Variants in DERL1 observed in about 807,000 individuals in gnomAD.
The protein encoded by DERL1 is derlin-1.
Under a neutral mutation model 41.6 loss-of-function variants are expected in DERL1, and 24 were observed. The ratio of observed to expected loss-of-function variants is 0.58; its 90% confidence interval spans 0.42 to 0.81. The LOEUF is 0.81. Among genes scored for constraint, DERL1 ranks in the 30% least tolerant of loss-of-function variants. The pLI is 0.00. For synonymous variants in DERL1, 124 were observed against 112.5 expected (o/e 1.10, Z -0.65); for missense variants, 260 against 314.3 (o/e 0.83, Z 1.31).
At chr8:123,025,084 A>T (rs756145403) in intron 2 of DERL1, 34 bp from the exon 3 acceptor site, 1 of 1,605,608 alleles carries the variant, frequency 6.2e-7, no homozygotes, top group Non-Finnish European at 8.5e-7. Context: ...GTCATGGTTC[A>T]GAATTTCACA....
intron 1 of DERL1, among the ~76,000 whole-genome samples, chr8:123,039,094 C>A (rs911015673): frequency 6.6e-6 from 1 of 152,172 alleles, no homozygotes; most frequent in African/African-American, 2.4e-5. Flanking sequence ...CTCTTTATAT[C>A]CATTCGGCTG....
chr8:123,020,700 A>G (rs1189159859), intron 6 of DERL1, among the ~76,000 whole-genome samples: 1 of 150,868 alleles, frequency 6.6e-6, no homozygotes, highest in East Asian at 2.0e-4. Flanking sequence ...CTGAAATCCC[A>G]GCACTTTAGG....
intron 1 of DERL1, among the ~76,000 whole-genome samples, chr8:123,039,858 C>A (rs1282984759): frequency 6.6e-6 from 1 of 152,198 alleles, no homozygotes; most frequent in Non-Finnish European, 1.5e-5. Context: ...GAACGGCTCT[C>A]ATGGAGCCTT....
In DERL1 at chr8:123,023,754, T is replaced by C. The variant is rs1225999289; in HGVS notation, c.331-15A>G. 1.2e-6 allele frequency: 2 copies of C among 1,610,958 alleles called. No individual in the cohort carries two copies. Among genetic ancestry groups the C allele is most frequent in the South Asian group, 1.1e-5 (1 of 90,322 alleles). On this transcript the variant is annotated splice_polypyrimidine_tract_variant and intron_variant, in intron 3 of 7. Coordinates refer to ENST00000259512, the MANE Select transcript of DERL1 (RefSeq NM_024295.6). ...AAGCCAGTAATCTTGGTTTGTAAAG[T>C]TAAAGATCAGACATAAAAAAGCATT...
chr8:123,021,507 G>A lies in DERL1; in HGVS notation c.454-8C>T. The A allele has an allele frequency of 6.2e-7, 1 of 1,613,176 alleles. No homozygotes were observed. The highest frequency in any genetic ancestry group is 8.5e-7 in the Non-Finnish European group (1 of 1,179,226). On this transcript the variant is annotated splice_polypyrimidine_tract_variant and splice_region_variant and intron_variant, in intron 5 of 7. Transcript: ENST00000259512. ...CCAGGGTAAATAGCAGGCCTAGGAT[G>A]GAATGAATATATGCAAATGTGAGTA...
intron 7 of DERL1, 33 bp from the exon 8 acceptor site, chr8:123,015,618 G>A (rs1019706324): frequency 1.9e-6 from 3 of 1,594,262 alleles, no homozygotes; most frequent in Non-Finnish European, 2.6e-6. Flanking sequence ...CAAACGGAGA[G>A]AAGAGAACAA....
chr8:123,020,300 C>A (rs571715585), intron 6 of DERL1, among the ~76,000 whole-genome samples: 4 of 151,584 alleles, frequency 2.6e-5, no homozygotes, highest in East Asian at 2.0e-4. Context: ...GGCAACACAG[C>A]GAAACCTCAT....
rs376442009 is a variant in DERL1, at chr8:123,023,667, T to A, written c.357+46A>T. The A allele has an allele frequency of 1.1e-5, 18 of 1,594,614 alleles. No individual in the cohort carries two copies. In the South Asian group the frequency reaches 1.9e-4, roughly 17 times the overall value. On this transcript the variant is annotated intron_variant, in intron 4 of 7. Coordinates refer to ENST00000259512, the MANE Select transcript of DERL1 (RefSeq NM_024295.6). ...CTGACAAAGGCCACTAATAGTATAT[T>A]TGAAACAAATAAAAGGGCAAATAGA...
chr8:123,036,354 G>C (rs1198138807), intron 1 of DERL1, among the ~76,000 whole-genome samples: 1 of 152,148 alleles, frequency 6.6e-6, no homozygotes, highest in Admixed American at 6.5e-5. Flanking sequence ...AAAGCAGGTA[G>C]ACACAAAAGA....
chr8:123,015,648 T>C, intron 7 of DERL1, 63 bp from the exon 8 acceptor site: 1 of 1,524,452 alleles, frequency 6.6e-7, no homozygotes, highest in Non-Finnish European at 8.8e-7. Flanking sequence ...CACATAGTTA[T>C]CTGACCTCCG....
intron 2 of DERL1, among the ~76,000 whole-genome samples, chr8:123,028,263 A>C (rs1271719324): frequency 1.3e-5 from 2 of 152,176 alleles, no homozygotes; most frequent in Non-Finnish European, 2.9e-5. Flanking sequence ...GCTATGAGAT[A>C]ACTATTAGAG....
chr8:123,017,556 C>T (rs1241736373), intron 7 of DERL1: 1 of 152,126 alleles, frequency 6.6e-6, no homozygotes, highest in Non-Finnish European at 1.5e-5. Flanking sequence ...AATTTCAAAG[C>T]AGTTACTGCT....
At chr8:123,037,555 A>G (rs1405486662) in intron 1 of DERL1, among the ~76,000 whole-genome samples, 4 of 152,238 alleles carry the variant, frequency 2.6e-5, no homozygotes, top group Non-Finnish European at 2.9e-5. Context: ...CCATGATTCA[A>G]CTACTTGAAA....
intron 7 of DERL1, chr8:123,017,788 C>A (rs1479512669): frequency 6.6e-6 from 1 of 152,150 alleles, no homozygotes; most frequent in African/African-American, 2.4e-5. Context: ...CCCCCAAAAG[C>A]ACCAAGCTTT....
In DERL1 at chr8:123,013,246, G is replaced by T. The variant is rs1814460473; in HGVS notation, c.*2201C>A. On this transcript the variant is annotated 3_prime_UTR_variant, in exon 8 of 8. Coordinates refer to ENST00000259512, the MANE Select transcript of DERL1 (RefSeq NM_024295.6). ...GGAATTAATCCAGCAAAAAATACTGGGTACTTCCTAAATGCTCTTCAAGAG... is the reference window on the plus strand; with the variant it reads ...GGAATTAATCCAGCAAAAAATACTGTGTACTTCCTAAATGCTCTTCAAGAG... 1 of 152,034 alleles carries T rather than the reference G, an allele frequency of 6.6e-6. No homozygotes were observed. Among genetic ancestry groups the T allele is most frequent in the South Asian group, 2.1e-4 (1 of 4,824 alleles). The allele number at this position is 152,034 out of a possible 1,614,324, so 9.4% of individuals were successfully genotyped here.
At chr8:123,033,189 T>G (rs1812853686) in intron 1 of DERL1, among the ~76,000 whole-genome samples, 1 of 152,210 alleles carries the variant, frequency 6.6e-6, no homozygotes, top group African/African-American at 2.4e-5. Flanking sequence ...TATAACATAT[T>G]TTAATAGCTG....
At chr8:123,027,800 G>A (rs534074342) in intron 2 of DERL1, among the ~76,000 whole-genome samples, 17 of 152,230 alleles carry the variant, frequency 1.1e-4, no homozygotes, top group East Asian at 5.8e-4. Context: ...AGTGGCTCAC[G>A]CCTGTAATCC....
intron 3 of DERL1, 27 bp downstream of exon 3, chr8:123,024,959 G>A (rs778911836): frequency 1.3e-5 from 21 of 1,604,862 alleles, no homozygotes; most frequent in Non-Finnish European, 1.8e-5. Context: ...GTTTATTTCT[G>A]GCCCAAAATC....
At chr8:123,037,660 AT>A (rs1002238765) in intron 1 of DERL1, among the ~76,000 whole-genome samples, 9 of 152,156 alleles carry the variant, frequency 5.9e-5, no homozygotes, top group Non-Finnish European at 1.2e-4. Context: ...CTACATACTT[AT>A]TTTTTTCGTA....
Sources: gnomAD v4.1 joint callset for allele counts (sites outside exome capture counted in the v4.1 genomes callset) on GRCh38, gnomAD v4.1.1 for gene constraint, MANE v1.5 for transcripts, NCBI Gene and HGNC (gene_info 2026-07-23, HGNC 2026-07-21) for gene names.